The following CCDC88C variants were observed in gnomAD, a reference collection of about 807,000 sequenced individuals.
The protein encoded by CCDC88C is coiled-coil and HOOK domain protein 88C.
CCDC88C carries 131 observed loss-of-function variants against 198.8 expected under a neutral mutation model. That is an observed-to-expected ratio of 0.66 (90% confidence interval 0.57 to 0.76). CCDC88C has a LOEUF of 0.76. Ranked by LOEUF, CCDC88C falls within the 30% of genes least tolerant of loss-of-function variation. The pLI is 0.00. For synonymous variants in CCDC88C, 1,166 were observed against 1,114.7 expected (o/e 1.05, Z -0.92); for missense variants, 2,553 against 2,631.6 (o/e 0.97, Z 0.65).
chr14:91,283,455 C>T lies in CCDC88C; in HGVS notation c.4504G>A (p.Ala1502Thr), dbSNP rs766593910. The T allele has an allele frequency of 5.6e-6, 9 of 1,613,262 alleles. No individual in the cohort carries two copies. Among genetic ancestry groups the T allele is most frequent in the South Asian group, 1.1e-5 (1 of 90,856 alleles). ...GACCTCATGGCCAGATCGGTGGAGG[C>T]ATCTGTGCGGTCAAGGCTGCCTCTG... ...PHRGSLDRTDASTDLAMRSWP... is the reference protein window; with the variant it reads ...PHRGSLDRTDTSTDLAMRSWP... Residue 1502 changes from alanine to threonine, a missense_variant, in exon 26 of 30, where the codon GCC (alanine) becomes ACC (threonine). This residue lies in a region of CCDC88C where 1,293 missense variants were observed against 1,219.6 expected (regional missense o/e 1.06). Transcript: ENST00000389857.
chr14:91,359,817 T>A (rs1201530524), intron 3 of CCDC88C, 106 bp from the exon 4 acceptor site: 1 of 984,804 alleles, frequency 1.0e-6, no homozygotes, highest in East Asian at 2.6e-5. Context: ...TGCACAGCCA[T>A]CCCGTGGTGA....
At chr14:91,315,273 G>A (rs563497209) in intron 14 of CCDC88C, among the ~76,000 whole-genome samples, 2 of 152,106 alleles carry the variant, frequency 1.3e-5, no homozygotes, top group African/African-American at 2.4e-5. Flanking sequence ...AAAACCACAC[G>A]GATTTGCCAG....
rs376283914 is a variant in CCDC88C, at chr14:91,325,872, A to G, written c.1197+38T>C. The G allele has an allele frequency of 9.0e-5, 138 of 1,529,230 alleles. No individual in the cohort carries two copies. The East Asian group carries it at 2.4e-3, about 27-fold the overall frequency. 94.7% of individuals were successfully genotyped at this position (1,529,230 alleles called of 1,614,324 possible). A position where few individuals can be genotyped will look rare whatever the true frequency, so the allele number is the denominator to read the frequency against. ...GCATGAGCCACTGTGCCCGAGCCCA[A>G]TCTGTTTTCAATGTAGTAACAACAC... On this transcript the variant is annotated intron_variant, in intron 11 of 29. Coordinates refer to ENST00000389857, the MANE Select transcript of CCDC88C (RefSeq NM_001080414.4). The surrounding 1 kb of genome is among the most constrained non-coding windows in gnomAD (Gnocchi z 4.1).
rs1390311326 is a variant in CCDC88C at position 91,338,866 on chromosome 14, C to T, written c.810-296G>A. 2.0e-6 allele frequency: 1 copy of T among 494,134 alleles called. No homozygotes were observed. Among genetic ancestry groups the T allele is most frequent in the Non-Finnish European group, 3.7e-6 (1 of 270,690 alleles). 30.6% of individuals were successfully genotyped at this position (494,134 alleles called of 1,614,324 possible). On this transcript the variant is annotated intron_variant, in intron 8 of 29. Transcript: ENST00000389857. The surrounding 1 kb of genome is among the most constrained non-coding windows in gnomAD (Gnocchi z 4.8). Reference sequence around the variant, plus strand: ...GCAGCTGTACCACCCCACAGCCAGGCTCCACAGGTGACATCCATCAGCTGC... The same window carrying T: ...GCAGCTGTACCACCCCACAGCCAGGTTCCACAGGTGACATCCATCAGCTGC...
At chr14:91,399,254 C>T (rs1000922364) in intron 3 of CCDC88C, among the ~76,000 whole-genome samples, 2 of 152,176 alleles carry the variant, frequency 1.3e-5, no homozygotes, top group Non-Finnish European at 2.9e-5. Flanking sequence ...ACCAGTGACA[C>T]CAAGCTGGCT....
At chr14:91,282,739 G>A (rs1219364855) in intron 26 of CCDC88C, among the ~76,000 whole-genome samples, 2 of 152,240 alleles carry the variant, frequency 1.3e-5, no homozygotes, top group African/African-American at 4.8e-5. Context: ...TGCCTCAACT[G>A]TGTCAGTGAA....
intron 4 of CCDC88C, 96 bp downstream of exon 4, chr14:91,359,546 G>T: frequency 1.1e-6 from 1 of 924,064 alleles, no homozygotes; most frequent in Non-Finnish European, 1.7e-6. Context: ...CACTGTGCTG[G>T]CCCAAGCTGG....
intron 3 of CCDC88C, among the ~76,000 whole-genome samples, chr14:91,406,005 AG>A (rs1232943611): frequency 3.9e-5 from 6 of 152,226 alleles, no homozygotes; most frequent in Admixed American, 1.3e-4. Flanking sequence ...CCAGCACAAA[AG>A]GAGGGAGAGC....
intron 13 of CCDC88C, 126 bp from the exon 14 acceptor site, chr14:91,315,913 T>C: frequency 2.1e-6 from 2 of 956,564 alleles, no homozygotes; most frequent in Non-Finnish European, 3.1e-6. Context: ...GAAGACCTCC[T>C]GACATCATTC....
At chr14:91,283,720 G>A in intron 25 of CCDC88C, 1 of 592,306 alleles carries the variant, frequency 1.7e-6, no homozygotes. Context: ...GGTGGTGTCA[G>A]AGGCCCCATG....
intron 21 of CCDC88C, among the ~76,000 whole-genome samples, chr14:91,297,892 TG>T (rs1385622854): frequency 6.6e-6 from 1 of 152,242 alleles, no homozygotes; most frequent in Non-Finnish European, 1.5e-5. Context: ...AGACCATTTT[TG>T]CTCTAAAATT....
chr14:91,319,253 C>T (rs533001942), intron 13 of CCDC88C, among the ~76,000 whole-genome samples: 8 of 152,342 alleles, frequency 5.3e-5, no homozygotes, highest in East Asian at 1.9e-4. Context: ...CTCTCATTGG[C>T]CCCTTCCTGC....
chr14:91,355,976 G>A (rs1846329689), intron 4 of CCDC88C, among the ~76,000 whole-genome samples: 1 of 152,010 alleles, frequency 6.6e-6, no homozygotes, highest in Non-Finnish European at 1.5e-5. Flanking sequence ...ACAGTACAGT[G>A]TTAGCATCCA....
rs370643702 is a variant in CCDC88C, at chr14:91,342,468, G to A, written c.400-5C>T. ...GAACTCCTCTTTCCTCTCACACTGC[G>A]GAGGGTTACATGTGTTAATGGAAGC... On this transcript the variant is annotated splice_polypyrimidine_tract_variant and splice_region_variant and intron_variant, in intron 5 of 29. Transcript: ENST00000389857. 1,371 of 1,567,676 alleles carry A rather than the reference G, an allele frequency of 8.7e-4. No individual in the cohort carries two copies. The highest frequency in any genetic ancestry group is 1.1e-3 in the Non-Finnish European group (1,259 of 1,150,212).
At position 91,352,291 on chromosome 14, in the gene CCDC88C, T is replaced by C. The variant is rs1203543548; in HGVS notation, c.340+7351A>G. Among the ~76,000 whole-genome samples, 1 of 152,104 alleles carries C rather than the reference T, an allele frequency of 6.6e-6. No individual in the cohort carries two copies. Among genetic ancestry groups the C allele is most frequent in the East Asian group, 1.9e-4 (1 of 5,184 alleles). ...TCTGGTCTCCAGGCAGATCCGCGGGTGCTTGGAGGCCGGCGTGTGGGCCGC... is the reference window on the plus strand; with the variant it reads ...TCTGGTCTCCAGGCAGATCCGCGGGCGCTTGGAGGCCGGCGTGTGGGCCGC... On this transcript the variant is annotated intron_variant, in intron 4 of 29. Transcript: ENST00000389857. The surrounding 1 kb of genome is among the most constrained non-coding windows in gnomAD (Gnocchi z 4.2).
chr14:91,298,340 C>T (rs970348971), intron 21 of CCDC88C, among the ~76,000 whole-genome samples: 1 of 151,900 alleles, frequency 6.6e-6, no homozygotes, highest in Non-Finnish European at 1.5e-5. Context: ...CGCCACTGCA[C>T]TCCAGCCTGG....
intron 4 of CCDC88C, among the ~76,000 whole-genome samples, chr14:91,346,786 C>G (rs1360889088): frequency 6.6e-6 from 1 of 152,142 alleles, no homozygotes; most frequent in African/African-American, 2.4e-5. Context: ...GTAATCCCAG[C>G]TGCTTGGGAG....
At chr14:91,295,004 GA>G (rs1213096452) in intron 22 of CCDC88C, among the ~76,000 whole-genome samples, 1 of 152,198 alleles carries the variant, frequency 6.6e-6, no homozygotes, top group African/African-American at 2.4e-5. Flanking sequence ...GGTGCAATGG[GA>G]AAATCACAGG....
At chr14:91,328,083 A>G (rs954738788) in intron 10 of CCDC88C, among the ~76,000 whole-genome samples, 8 of 152,198 alleles carry the variant, frequency 5.3e-5, no homozygotes, top group African/African-American at 9.7e-5. Context: ...TAAGTGTTCA[A>G]TAACACTACT....
Sources: gnomAD v4.1 joint callset for allele counts (sites outside exome capture counted in the v4.1 genomes callset) on GRCh38, gnomAD v4.1.1 for gene constraint, gnomAD v4.1.1 regional missense constraint, Gnocchi (gnomAD v3.1) non-coding constraint, MANE v1.5 for transcripts, NCBI Gene and HGNC (gene_info 2026-07-23, HGNC 2026-07-21) for gene names.